The following VDAC1 variants were observed in gnomAD, a reference collection of about 807,000 sequenced individuals.
VDAC1 encodes the protein voltage dependent anion channel 1.
A neutral mutation model predicts 34.7 loss-of-function variants in VDAC1; 10 were observed. The ratio of observed to expected loss-of-function variants is 0.29; its 90% CI spans 0.18 to 0.49. VDAC1 has a LOEUF of 0.49. VDAC1 is among the 20% of genes least tolerant of loss of function. The probability of loss-of-function intolerance (pLI) is 0.99; values close to 1 mark genes in which losing one functional copy is unlikely to be tolerated. For missense variants in VDAC1, 230 were observed against 347.9 expected, an observed-to-expected ratio of 0.66 and a Z score of 2.69; for synonymous variants, 130 against 136.0, an observed-to-expected ratio of 0.96 and a Z score of 0.30.
rs767111738 is a variant in VDAC1 at position 133,992,997 on chromosome 5, T to C, written c.16A>G (p.Thr6Ala). Reference protein sequence around the residue: MAVPPTYADLGKSARD... With the variant: MAVPPAYADLGKSARD... ...GCAGATTTGCCAAGATCGGCATACG[T>C]GGGTGGCACAGCCATCTTCTGCTAT... Residue 6 changes from threonine (T) to alanine (A), a missense_variant, in exon 2 of 9, where the codon ACG becomes GCG. Coordinates refer to ENST00000265333, the MANE Select transcript of VDAC1 (RefSeq NM_003374.3). 9 of 1,613,278 alleles carry C rather than the reference T, an allele frequency of 5.6e-6. No individual in the cohort carries two copies. The highest frequency in any genetic ancestry group is 7.6e-6 in the Non-Finnish European group (9 of 1,179,594).
At chr5:134,079,187 C>T in the VDAC1 span, among the ~76,000 whole-genome samples, 1 of 152,052 alleles carries the variant, frequency 6.6e-6, no homozygotes, top group Non-Finnish European at 1.5e-5. Context: ...CTATGTTGCC[C>T]AGGCTGATCT....
At chr5:134,029,060 G>T in the VDAC1 span, among the ~76,000 whole-genome samples, 2 of 152,116 alleles carry the variant, frequency 1.3e-5, no homozygotes, top group Admixed American at 6.5e-5. Context: ...GGTTTGTCTA[G>T]GACAGTTCCA....
At chr5:134,096,084 G>A in the VDAC1 span, among the ~76,000 whole-genome samples, 1 of 152,162 alleles carries the variant, frequency 6.6e-6, no homozygotes, top group Non-Finnish European at 1.5e-5. Context: ...ACTCTATCCC[G>A]CGTGCCAGAG....
chr5:134,076,781 G>A, the VDAC1 span, among the ~76,000 whole-genome samples: 1 of 152,134 alleles, frequency 6.6e-6, no homozygotes. Context: ...AGGTACAGGA[G>A]GCTGAAGAGG....
chr5:134,006,738 C>A (rs1317282434), upstream of VDAC1, among the ~76,000 whole-genome samples: 26 of 75,026 alleles, frequency 3.5e-4, no homozygotes, highest in African/African-American at 4.5e-4. Context: ...GTGACATTGT[C>A]CCCCCCCCCC....
chr5:134,052,975 C>T, the VDAC1 span, among the ~76,000 whole-genome samples: 5 of 152,096 alleles, frequency 3.3e-5, no homozygotes, highest in East Asian at 7.7e-4. Context: ...ATCAGCTGGG[C>T]GTGGTGGTGC....
chr5:133,975,670 G>A (rs2126897821), intron 7 of VDAC1, among the ~76,000 whole-genome samples: 1 of 152,008 alleles, frequency 6.6e-6, no homozygotes, highest in East Asian at 1.9e-4. Flanking sequence ...TGTTGGCGAG[G>A]CTGGTGTCAG....
chr5:133,976,138 G>A, intron 6 of VDAC1, 117 bp from the exon 7 acceptor site: 1 of 1,245,200 alleles, frequency 8.0e-7, no homozygotes. Flanking sequence ...AACCAATACT[G>A]GTATTAAGGG....
chr5:134,075,954 A>ACT, the VDAC1 span, among the ~76,000 whole-genome samples: 2 of 150,552 alleles, frequency 1.3e-5, no homozygotes, highest in Non-Finnish European at 3.0e-5. Flanking sequence ...AGCTTGCAAC[A>ACT]CTCTCTCTCA....
chr5:134,065,049 T>G, the VDAC1 span, among the ~76,000 whole-genome samples: 1 of 152,098 alleles, frequency 6.6e-6, no homozygotes, highest in Non-Finnish European at 1.5e-5. Flanking sequence ...CCTTTTTTAC[T>G]ACTTTCTTCA....
At chr5:134,031,682 T>C in the VDAC1 span, among the ~76,000 whole-genome samples, 1 of 152,160 alleles carries the variant, frequency 6.6e-6, no homozygotes, top group Middle Eastern at 3.4e-3. Context: ...CCAGGCGCAG[T>C]GGCTCATGCC....
intron 5 of VDAC1, among the ~76,000 whole-genome samples, chr5:133,985,697 G>C (rs1340262866): frequency 1.3e-5 from 2 of 152,182 alleles, no homozygotes; most frequent in East Asian, 3.8e-4. Flanking sequence ...GCTCTTTGGG[G>C]AAAGAAGTCT....
At chr5:134,045,454 C>T in the VDAC1 span, among the ~76,000 whole-genome samples, 6 of 152,182 alleles carry the variant, frequency 3.9e-5, no homozygotes, top group Non-Finnish European at 7.3e-5. Context: ...AGGGAAGAAT[C>T]ATTTCCTTGC....
the VDAC1 span, among the ~76,000 whole-genome samples, chr5:134,075,555 C>T: frequency 6.6e-6 from 1 of 152,244 alleles, no homozygotes; most frequent in East Asian, 1.9e-4. Context: ...ACACTATACA[C>T]GATACTGGTT....
chr5:133,980,689 A>ACGCC, intron 6 of VDAC1, 40 bp downstream of exon 6: 12 of 564,054 alleles, frequency 2.1e-5, no homozygotes, highest in Middle Eastern at 3.7e-4. Flanking sequence ...ACATGCTCCA[A>ACGCC]CCCCACCCCT....
the VDAC1 span, among the ~76,000 whole-genome samples, chr5:134,058,269 G>A: frequency 6.6e-6 from 1 of 151,704 alleles, no homozygotes; most frequent in Non-Finnish European, 1.5e-5. Context: ...GCGGACCCAG[G>A]TCAGCAGCCG....
At chr5:133,975,394 T>C (rs1274414113) in intron 7 of VDAC1, among the ~76,000 whole-genome samples, 1 of 152,082 alleles carries the variant, frequency 6.6e-6, no homozygotes, top group Non-Finnish European at 1.5e-5. Context: ...GTATGATCAC[T>C]GTACTCATTT....
the VDAC1 span, among the ~76,000 whole-genome samples, chr5:134,064,299 T>C: frequency 6.6e-6 from 1 of 152,030 alleles, no homozygotes; most frequent in Non-Finnish European, 1.5e-5. Context: ...ATTGTTTTTT[T>C]GTTTTTTGGG....
intron 1 of VDAC1, among the ~76,000 whole-genome samples, chr5:134,001,321 G>A (rs1753542571): frequency 6.6e-6 from 1 of 152,180 alleles, no homozygotes; most frequent in East Asian, 1.9e-4. Flanking sequence ...AGGGTATAGG[G>A]TGGTGAACTC....
Sources: allele counts gnomAD v4.1 joint callset (sites outside exome capture counted in the v4.1 genomes callset), GRCh38; gene constraint gnomAD v4.1.1; transcripts MANE v1.5; gene names NCBI Gene and HGNC (gene_info 2026-07-23, HGNC 2026-07-21).